The following MON2 variants were observed in gnomAD, a reference collection of about 807,000 sequenced individuals.
MON2 encodes MON2 regulator of endosome-to-Golgi trafficking.
In MON2, 84 loss-of-function variants were observed where a neutral mutation model predicts 208.6. The observed-to-expected ratio is 0.40, with a 90% CI of 0.34 to 0.48. MON2 has a LOEUF of 0.48. Ranked by LOEUF, MON2 falls within the 20% of genes least tolerant of loss-of-function variation. The pLI is 0.59. For synonymous variants in MON2, 660 were observed against 694.0 expected, an observed-to-expected ratio of 0.95 and a Z score of 0.77; for missense variants, 1,611 against 2,015.4, an observed-to-expected ratio of 0.80 and a Z score of 3.84.
Position 62,500,823 on chromosome 12 carries a change from CAGA to C in MON2, c.610_612del (p.Arg204del), listed in dbSNP as rs1247167289. 1.3e-6 allele frequency: 2 copies of C among 1,595,750 alleles called. No homozygotes were observed. Among genetic ancestry groups the C allele is most frequent in the African/African-American group, 1.3e-5 (1 of 74,094 alleles). ...CAGTACTGGTACAAGGAAATAGTAA[CAGA>C]AGATCTGTCAGTACCCTCAAACCTT... On this transcript the variant is annotated inframe_deletion, in exon 6 of 35. Transcript: ENST00000393630.
At chr12:62,580,190 T>C in intron 31 of MON2, 107 bp from the exon 32 acceptor site, 1 of 1,069,496 alleles carries the variant, frequency 9.4e-7, no homozygotes, top group Non-Finnish European at 1.4e-6. Flanking sequence ...TAAAGGAGAG[T>C]TCTTTAACTG....
chr12:62,541,108 G>A (rs774793346), intron 19 of MON2, among the ~76,000 whole-genome samples: 1 of 152,146 alleles, frequency 6.6e-6, no homozygotes. Context: ...CAGGCTGAGC[G>A]TGGTGGCTTA....
Position 62,594,364 on chromosome 12 carries a change from T to C in MON2, c.*1615T>C, listed in dbSNP as rs965022485. ...AAATGTAGTAAGGTCTTTGAGGGGA[T>C]ATTTTTTATTTACATGAATTACTGA... On this transcript the variant is annotated 3_prime_UTR_variant, in exon 35 of 35. Coordinates refer to ENST00000393630, the MANE Select transcript of MON2 (RefSeq NM_015026.3). 4 of 152,200 alleles carry C rather than the reference T, an allele frequency of 2.6e-5. No homozygotes were observed. Among genetic ancestry groups the C allele is most frequent in the African/African-American group, 9.6e-5 (4 of 41,468 alleles). The allele number at this position is 152,200 out of a possible 1,614,324, so 9.4% of individuals were successfully genotyped here.
chr12:62,494,974 A>G (rs779604260), intron 3 of MON2, 42 bp from the exon 4 acceptor site: 7 of 1,488,778 alleles, frequency 4.7e-6, no homozygotes, highest in Non-Finnish European at 6.5e-6. Flanking sequence ...ATCAACATCT[A>G]TATTGTATTT....
At chr12:62,487,336 T>C (rs2069860415) in intron 2 of MON2, among the ~76,000 whole-genome samples, 1 of 152,094 alleles carries the variant, frequency 6.6e-6, no homozygotes, top group Admixed American at 6.6e-5. Flanking sequence ...TTCTTTGTTA[T>C]ACAAGAATTA....
intron 29 of MON2, among the ~76,000 whole-genome samples, chr12:62,566,934 G>C (rs2074406977): frequency 6.6e-6 from 1 of 152,196 alleles, no homozygotes. Context: ...AACCCAGTGA[G>C]GGGGTTTCTT....
chr12:62,498,811 G>A (rs2070680599), intron 4 of MON2, 108 bp from the exon 5 acceptor site: 1 of 1,157,708 alleles, frequency 8.6e-7, no homozygotes, highest in South Asian at 1.9e-5. Context: ...TGTAAATGGT[G>A]GGACTTTCCA....
chr12:62,578,318 A>G, intron 30 of MON2, 127 bp from the exon 31 acceptor site: 2 of 632,132 alleles, frequency 3.2e-6, no homozygotes, highest in East Asian at 3.1e-5. Context: ...ACTCTTTTAA[A>G]TAAATAATAA....
rs765407546 is a variant in MON2 at position 62,494,045 on chromosome 12, A to G, written c.303+3A>G. On this transcript the variant is annotated splice_donor_region_variant and intron_variant, in intron 3 of 34. Coordinates refer to ENST00000393630, the MANE Select transcript of MON2 (RefSeq NM_015026.3). ...TGTCACATGAAGTCGTGTCTGAGGT[A>G]ATATGAAGATTTTATCTAAACTTCA... 6.2e-7 allele frequency: 1 copy of G among 1,608,928 alleles called. No individual in the cohort carries two copies. Among genetic ancestry groups the G allele is most frequent in the Non-Finnish European group, 8.5e-7 (1 of 1,176,894 alleles).
At chr12:62,591,435 G>C (rs1174471587) in intron 34 of MON2, among the ~76,000 whole-genome samples, 1 of 152,144 alleles carries the variant, frequency 6.6e-6, no homozygotes, top group African/African-American at 2.4e-5. Flanking sequence ...CATGAACATT[G>C]ATGATGTTTG....
chr12:62,556,334 T>C (rs2073963878), intron 25 of MON2, 142 bp downstream of exon 25: 5 of 824,680 alleles, frequency 6.1e-6, no homozygotes, highest in Non-Finnish European at 7.6e-6. Context: ...CATTCGTTTG[T>C]ACCTACTGTG....
At position 62,573,949 on chromosome 12, in the gene MON2, G is replaced by A. The variant is rs114858579; in HGVS notation, c.4514+2367G>A. On this transcript the variant is annotated intron_variant, in intron 30 of 34. Transcript: ENST00000393630. ...AGGTTTGAGTATGTTTGGTGTGTTG[G>A]AAAATACATTACTTAAGAAGCAGCC... Among the ~76,000 whole-genome samples the A allele has an allele frequency of 7.2e-3, 1,096 of 152,216 alleles. 10 individuals are homozygous for A. Among genetic ancestry groups the A allele is most frequent in the African/African-American group, 0.025 (1,047 of 41,528 alleles).
chr12:62,470,980 A>G (rs1026479863), intron 1 of MON2, among the ~76,000 whole-genome samples: 2 of 152,042 alleles, frequency 1.3e-5, no homozygotes, highest in Non-Finnish European at 2.9e-5. Context: ...AGTAGTGGAC[A>G]TAGACAGAAG....
rs538072517 is a variant in MON2, at chr12:62,592,955, C to G, written c.*206C>G. 4.5e-4 allele frequency: 202 copies of G among 444,430 alleles called. No individual in the cohort carries two copies. The highest frequency in any genetic ancestry group is 3.7e-3 in the African/African-American group (190 of 52,046). 27.5% of individuals were successfully genotyped at this position (444,430 alleles called of 1,614,324 possible). A position where few individuals can be genotyped will look rare whatever the true frequency, so the allele number is the denominator to read the frequency against. On this transcript the variant is annotated 3_prime_UTR_variant, in exon 35 of 35. Transcript: ENST00000393630. ...CTCCTGAATGAACAGCAGTGTAAGG[C>G]TTTAATAAATTAAACTGATGGGAGG... is the stretch of plus-strand genomic sequence containing the variant.
chr12:62,506,868 A>G (rs1027675389), intron 7 of MON2, among the ~76,000 whole-genome samples: 1 of 152,204 alleles, frequency 6.6e-6, no homozygotes, highest in African/African-American at 2.4e-5. Context: ...CTTCAGTGAA[A>G]TTTGGATGAC....
intron 1 of MON2, among the ~76,000 whole-genome samples, chr12:62,481,422 A>T (rs1344352715): frequency 6.7e-6 from 1 of 149,382 alleles, no homozygotes; most frequent in East Asian, 2.0e-4. Flanking sequence ...GCTGCTCAGG[A>T]GGCTGAGGCA....
intron 8 of MON2, among the ~76,000 whole-genome samples, chr12:62,520,901 ATC>A (rs2071998559): frequency 7.0e-6 from 1 of 141,978 alleles, no homozygotes. Context: ...TTGAGACTCC[ATC>A]TCAAAAAAAA....
Position 62,577,052 on chromosome 12 carries a change from C to T in MON2, c.4515-1393C>T, listed in dbSNP as rs183064687. 2.1e-3 allele frequency among the ~76,000 whole-genome samples: 313 copies of T among 151,922 alleles called. 2 individuals are homozygous for T. Among genetic ancestry groups the T allele is most frequent in the South Asian group, 3.1e-3 (15 of 4,820 alleles). On this transcript the variant is annotated intron_variant, in intron 30 of 34. Transcript: ENST00000393630. The stretch of plus-strand genomic sequence containing the variant: ...CTTCATTTTTTGTTGATCATCAACT[C>T]ATCCTTAGTTACCTCCACCATCATC...
chr12:62,570,999 C>T (rs896522415), intron 29 of MON2, among the ~76,000 whole-genome samples: 6 of 151,880 alleles, frequency 4.0e-5, no homozygotes, highest in Admixed American at 6.6e-5. Flanking sequence ...CAAAGTGCTG[C>T]GATTACAGGC....
Sources: gnomAD v4.1 joint callset for allele counts (sites outside exome capture counted in the v4.1 genomes callset) on GRCh38, gnomAD v4.1.1 for gene constraint, MANE v1.5 for transcripts, NCBI Gene and HGNC (gene_info 2026-07-23, HGNC 2026-07-21) for gene names.